TMEM123: variants seen among roughly 807,000 people sequenced by gnomAD.
TMEM123 encodes the protein porimin.
In TMEM123, 16 loss-of-function variants were observed where a neutral mutation model predicts 19.7. The observed-to-expected ratio is 0.81, with a 90% CI of 0.55 to 1.23. The LOEUF (loss-of-function observed/expected upper bound fraction) is 1.23, where lower values mean the gene tolerates loss of function less well. TMEM123 is among the 50% of genes most tolerant of loss of function. The probability of loss-of-function intolerance (pLI) is 0.00; values close to 1 mark genes in which losing one functional copy is unlikely to be tolerated. For synonymous variants in TMEM123, 118 were observed against 99.4 expected (o/e 1.19, Z -1.12); for missense variants, 313 against 257.8 (o/e 1.21, Z -1.47).
chr11:102,432,539 G>T (rs1370449152), intron 2 of TMEM123, among the ~76,000 whole-genome samples: 1 of 152,208 alleles, frequency 6.6e-6, no homozygotes, highest in Non-Finnish European at 1.5e-5. Flanking sequence ...AGGTAGCAGA[G>T]CGTAAGAGTT....
intron 2 of TMEM123, among the ~76,000 whole-genome samples, chr11:102,415,402 C>G (rs2135849573): frequency 6.6e-6 from 1 of 152,186 alleles, no homozygotes; most frequent in East Asian, 1.9e-4. Flanking sequence ...GCACAAGGCA[C>G]ATACTCTAAA....
At chr11:102,410,628 G>A (rs1459442867) in intron 2 of TMEM123, among the ~76,000 whole-genome samples, 1 of 152,046 alleles carries the variant, frequency 6.6e-6, no homozygotes, top group South Asian at 2.1e-4. Flanking sequence ...TTGCTCTCCA[G>A]GGAGCAGAAT....
At chr11:102,423,762 C>T (rs1952104071) in intron 2 of TMEM123, among the ~76,000 whole-genome samples, 1 of 152,090 alleles carries the variant, frequency 6.6e-6, no homozygotes, top group African/African-American at 2.4e-5. Flanking sequence ...TATGTGTATG[C>T]CTTTTTTGTA....
rs1393999018 is a variant in TMEM123, at chr11:102,401,659, CCTTT to C, written c.478_481del (p.Lys160AspfsTer15). ...AAAGCTCCCAGTATCAAATTTTGAT[CCTTT>C]CTTTGCTTCAGAATGCATAGTTGTT... is the stretch of plus-strand genomic sequence containing the variant. On this transcript the variant is annotated frameshift_variant, in exon 4 of 5. Coordinates refer to ENST00000398136, the MANE Select transcript of TMEM123 (RefSeq NM_052932.3). LOFTEE classifies it high-confidence loss of function. 1.9e-6 allele frequency: 3 copies of C among 1,605,192 alleles called. No individual in the cohort carries two copies. The highest frequency in any genetic ancestry group is 2.7e-5 in the African/African-American group (2 of 74,220).
chr11:102,410,511 C>CAAA lies in TMEM123; in HGVS notation c.158-8308_158-8306dup, dbSNP rs796159138. 1.5e-3 allele frequency among the ~76,000 whole-genome samples: 158 copies of CAAA among 105,412 alleles called. 1 individual carries two copies. Among genetic ancestry groups the CAAA allele is most frequent in the African/African-American group, 5.0e-3 (143 of 28,806 alleles). 69.2% of individuals were successfully genotyped at this position (105,412 alleles called of 152,430 possible). ...AATCCACAATAACCCCTGTTAGTTA[C>CAAA]AAAAAAAAAAAAAAAGCATGAATCA... On this transcript the variant is annotated intron_variant, in intron 2 of 4. Coordinates refer to ENST00000398136, the MANE Select transcript of TMEM123 (RefSeq NM_052932.3).
intron 2 of TMEM123, among the ~76,000 whole-genome samples, chr11:102,441,483 A>C (rs560090201): frequency 2.0e-5 from 3 of 152,112 alleles, no homozygotes; most frequent in Non-Finnish European, 4.4e-5. Context: ...TAAAGATGTT[A>C]TTTAAACCCA....
intron 2 of TMEM123, among the ~76,000 whole-genome samples, chr11:102,410,164 T>C (rs1342532756): frequency 2.6e-5 from 4 of 152,200 alleles, no homozygotes; most frequent in Non-Finnish European, 4.4e-5. Context: ...ATAAATAGGA[T>C]GTTTGTTTCC....
intron 2 of TMEM123, among the ~76,000 whole-genome samples, chr11:102,420,854 C>G (rs1388778205): frequency 6.6e-6 from 1 of 152,148 alleles, no homozygotes; most frequent in Admixed American, 6.6e-5. Flanking sequence ...TCAAAACCAG[C>G]CTGGCCAACA....
chr11:102,450,935 T>C (rs1239648621), intron 1 of TMEM123, among the ~76,000 whole-genome samples: 1 of 152,258 alleles, frequency 6.6e-6, no homozygotes, highest in African/African-American at 2.4e-5. Flanking sequence ...GATTAACAGT[T>C]ACTAGCTTTT....
In TMEM123 at chr11:102,397,560, C is replaced by T. The variant is rs1438325588; in HGVS notation, c.*1307G>A. On this transcript the variant is annotated 3_prime_UTR_variant, in exon 5 of 5. Transcript: ENST00000398136. ...ATACTGTGCTTTTTCTCTCCATTAA[C>T]ATAATGCATCTGAGAGTACTTCTCC... 3 of 152,164 alleles carry T rather than the reference C, an allele frequency of 2.0e-5. No homozygotes were observed. Among genetic ancestry groups the T allele is most frequent in the East Asian group, 3.8e-4 (2 of 5,200 alleles). The allele number at this position is 152,164 out of a possible 1,614,324, so 9.4% of individuals were successfully genotyped here.
At chr11:102,439,036 G>A (rs1046842634) in intron 2 of TMEM123, among the ~76,000 whole-genome samples, 2 of 152,226 alleles carry the variant, frequency 1.3e-5, no homozygotes, top group Non-Finnish European at 2.9e-5. Context: ...AGCGAGGCTG[G>A]GGGAGGGGCG....
intron 2 of TMEM123, among the ~76,000 whole-genome samples, chr11:102,443,810 CTAA>C (rs1857852985): frequency 6.6e-6 from 1 of 152,090 alleles, no homozygotes; most frequent in Non-Finnish European, 1.5e-5. Context: ...TGACAAAGGG[CTAA>C]TATCCAGAAC....
intron 2 of TMEM123, among the ~76,000 whole-genome samples, chr11:102,413,029 C>G (rs1952017459): frequency 6.6e-6 from 1 of 151,968 alleles, no homozygotes; most frequent in Non-Finnish European, 1.5e-5. Context: ...AACCTATGAC[C>G]TAAAAACTTG....
intron 2 of TMEM123, among the ~76,000 whole-genome samples, chr11:102,437,030 T>C (rs762517533): frequency 1.9e-4 from 29 of 152,210 alleles, no homozygotes; most frequent in South Asian, 4.1e-4. Flanking sequence ...TTCCTGTTCT[T>C]GAAAAGGAAA....
At chr11:102,440,932 CAA>C (rs1436409517) in intron 2 of TMEM123, among the ~76,000 whole-genome samples, 1 of 152,124 alleles carries the variant, frequency 6.6e-6, no homozygotes, top group Non-Finnish European at 1.5e-5. Context: ...CAACAAAGAT[CAA>C]AAGAGACAAA....
At chr11:102,446,326 A>G (rs1857882907) in intron 2 of TMEM123, among the ~76,000 whole-genome samples, 2 of 152,244 alleles carry the variant, frequency 1.3e-5, no homozygotes, top group Admixed American at 1.3e-4. Flanking sequence ...AAGTCCCTGC[A>G]GACAAGAATG....
At chr11:102,400,281 G>A (rs1951900975) in intron 4 of TMEM123, among the ~76,000 whole-genome samples, 1 of 152,216 alleles carries the variant, frequency 6.6e-6, no homozygotes, top group Admixed American at 6.5e-5. Context: ...GGGGCAGGGG[G>A]AGGGATTTAT....
chr11:102,430,420 C>T (rs528435488), intron 2 of TMEM123, among the ~76,000 whole-genome samples: 1 of 152,308 alleles, frequency 6.6e-6, no homozygotes, highest in South Asian at 2.1e-4. Context: ...CATCACATTA[C>T]ATTACTATAA....
At chr11:102,419,481 T>C (rs1334489579) in intron 2 of TMEM123, among the ~76,000 whole-genome samples, 3 of 152,194 alleles carry the variant, frequency 2.0e-5, no homozygotes, top group African/African-American at 7.2e-5. Flanking sequence ...CCAAGAGAAC[T>C]AGAAAGTCTC....
Sources: gnomAD v4.1 joint callset for allele counts (sites outside exome capture counted in the v4.1 genomes callset) on GRCh38, gnomAD v4.1.1 for gene constraint, MANE v1.5 for transcripts, NCBI Gene and HGNC (gene_info 2026-07-23, HGNC 2026-07-21) for gene names.